ROBO2: variants seen among roughly 807,000 people sequenced by gnomAD.
ROBO2 encodes the protein roundabout guidance receptor 2.
A neutral mutation model predicts 160.8 loss-of-function variants in ROBO2; 53 were observed. The ratio of observed to expected loss-of-function variants is 0.33; its 90% CI spans 0.26 to 0.41. The LOEUF is 0.41. Ranked by LOEUF, ROBO2 falls within the 10% of genes least tolerant of loss-of-function variation. ROBO2 has a pLI of 1.00. For missense variants in ROBO2, 1,577 were observed against 1,722.4 expected, an observed-to-expected ratio of 0.92 and a Z score of 1.49; for synonymous variants, 664 against 611.7, an observed-to-expected ratio of 1.09 and a Z score of -1.26.
chr3:75,910,052 C>T (rs1313982165), intron 1 of ROBO2, among the ~76,000 whole-genome samples: 1 of 151,994 alleles, frequency 6.6e-6, no homozygotes, highest in African/African-American at 2.4e-5. Context: ...ACAGAGTTAC[C>T]CCAACTGAGG....
At chr3:76,047,956 T>C (rs1399181788) in intron 2 of ROBO2, among the ~76,000 whole-genome samples, 1 of 152,240 alleles carries the variant, frequency 6.6e-6, no homozygotes, top group Non-Finnish European at 1.5e-5. Flanking sequence ...GGTTATATTA[T>C]ACCTGTTTGT....
chr3:77,211,093 G>T (rs1254991522), intron 2 of ROBO2, among the ~76,000 whole-genome samples: 3 of 152,026 alleles, frequency 2.0e-5, no homozygotes, highest in Non-Finnish European at 4.4e-5. Flanking sequence ...TAATCCTTTG[G>T]GTATATACCC....
chr3:77,269,813 G>A (rs12491000), intron 2 of ROBO2, among the ~76,000 whole-genome samples: 75,367 of 151,894 alleles, frequency 0.5, 19,943 homozygotes, highest in Middle Eastern at 0.7. Flanking sequence ...TTCAGAAAAT[G>A]TGGTGAGAAA....
chr3:76,555,382 A>AAGC (rs2083673667), intron 2 of ROBO2, among the ~76,000 whole-genome samples: 2 of 60,996 alleles, frequency 3.3e-5, no homozygotes, highest in Non-Finnish European at 9.9e-5. Flanking sequence ...GAAGAAGAAG[A>AAGC]AGAAGAAGAA....
At chr3:76,018,267 G>C (rs1005783054) in intron 2 of ROBO2, among the ~76,000 whole-genome samples, 2 of 151,818 alleles carry the variant, frequency 1.3e-5, no homozygotes, top group East Asian at 3.9e-4. Context: ...ATTTCTCTGT[G>C]TAAATAGAAA....
intron 1 of ROBO2, among the ~76,000 whole-genome samples, chr3:77,060,192 G>A (rs1430717939): frequency 6.6e-6 from 1 of 152,168 alleles, no homozygotes; most frequent in African/African-American, 2.4e-5. Flanking sequence ...CATTGGGTGT[G>A]TTGGTGAACT....
intron 2 of ROBO2, among the ~76,000 whole-genome samples, chr3:77,102,169 G>A (rs1223317928): frequency 6.6e-6 from 1 of 152,184 alleles, no homozygotes; most frequent in Non-Finnish European, 1.5e-5. Flanking sequence ...GTGGTGGGAT[G>A]GAAGTAGCAA....
chr3:77,649,647 AC>A (rs2095435485), exon 26 of ROBO2: 2 of 152,138 alleles, frequency 1.3e-5, no homozygotes, highest in Admixed American at 1.3e-4. Context: ...GAAACACCAT[AC>A]TTTTTTCTAA....
At chr3:76,336,748 T>C (rs550682034) in intron 2 of ROBO2, among the ~76,000 whole-genome samples, 1 of 151,930 alleles carries the variant, frequency 6.6e-6, no homozygotes, top group Non-Finnish European at 1.5e-5. Context: ...ATAATCATCA[T>C]ATAAAAACAT....
intron 2 of ROBO2, among the ~76,000 whole-genome samples, chr3:76,889,794 G>A (rs779059128): frequency 6.6e-6 from 1 of 152,280 alleles, no homozygotes; most frequent in African/African-American, 2.4e-5. Flanking sequence ...GGAAAAGCTG[G>A]TTGGGTTGTA....
intron 2 of ROBO2, among the ~76,000 whole-genome samples, chr3:77,291,280 C>T (rs2061209343): frequency 1.3e-5 from 2 of 151,374 alleles, no homozygotes; most frequent in Admixed American, 6.6e-5. Context: ...GCTAGATCAC[C>T]CCAGACATAA....
intron 2 of ROBO2, among the ~76,000 whole-genome samples, chr3:77,476,252 G>A (rs540858055): frequency 2.0e-5 from 3 of 152,076 alleles, no homozygotes; most frequent in Non-Finnish European, 4.4e-5. Flanking sequence ...TATAGGACAC[G>A]GAAGGCAGTT....
intron 2 of ROBO2, among the ~76,000 whole-genome samples, chr3:77,126,125 A>G (rs913750159): frequency 1.3e-5 from 2 of 152,226 alleles, no homozygotes; most frequent in African/African-American, 4.8e-5. Flanking sequence ...ATTGATGGCA[A>G]TCCATTTAGT....
chr3:76,740,182 G>A (rs1405396664), intron 2 of ROBO2, among the ~76,000 whole-genome samples: 2 of 152,094 alleles, frequency 1.3e-5, no homozygotes, highest in East Asian at 3.9e-4. Context: ...AGATACAAAG[G>A]AGGATACACT....
chr3:77,530,279 A>G (rs1441619135), intron 6 of ROBO2, among the ~76,000 whole-genome samples: 2 of 152,008 alleles, frequency 1.3e-5, no homozygotes, highest in African/African-American at 4.8e-5. Context: ...AATGAAAATT[A>G]GCAATCATTG....
chr3:76,393,506 CTTGT>C (rs1392203863), intron 2 of ROBO2, among the ~76,000 whole-genome samples: 1 of 152,024 alleles, frequency 6.6e-6, no homozygotes, highest in Non-Finnish European at 1.5e-5. Flanking sequence ...GTTTTTGTAG[CTTGT>C]TTGTTTTTAT....
intron 2 of ROBO2, among the ~76,000 whole-genome samples, chr3:77,451,833 T>C (rs2081146444): frequency 6.6e-6 from 1 of 151,990 alleles, no homozygotes; most frequent in South Asian, 2.1e-4. Flanking sequence ...TGCTGGTCTG[T>C]TAGGTGTGTA....
At chr3:75,919,930 C>A (rs1244767562) in intron 1 of ROBO2, among the ~76,000 whole-genome samples, 2 of 151,852 alleles carry the variant, frequency 1.3e-5, no homozygotes, top group African/African-American at 4.8e-5. Flanking sequence ...TCTCTCTTTT[C>A]TTCCTTATTA....
intron 2 of ROBO2, among the ~76,000 whole-genome samples, chr3:76,002,902 A>C (rs539104009): frequency 2.8e-4 from 42 of 152,246 alleles, no homozygotes; most frequent in African/African-American, 8.7e-4. Flanking sequence ...TGATTAAGCC[A>C]CCCAGTGTGC....
Sources: gnomAD v4.1 joint callset for allele counts (sites outside exome capture counted in the v4.1 genomes callset) on GRCh38, gnomAD v4.1.1 for gene constraint, MANE v1.5 for transcripts, NCBI Gene and HGNC (gene_info 2026-07-23, HGNC 2026-07-21) for gene names.